STX11: variants seen among roughly 807,000 people sequenced by gnomAD.
STX11 encodes the protein syntaxin-11.
Under a neutral mutation model 19.9 loss-of-function variants are expected in STX11, and 21 were observed. That is an observed-to-expected ratio of 1.06 (90% CI 0.75 to 1.52). The LOEUF (loss-of-function observed/expected upper bound fraction) is 1.52, where lower values mean the gene tolerates loss of function less well. STX11 is among the 40% of genes most tolerant of loss of function. The pLI, the probability that STX11 is intolerant of heterozygous loss-of-function variation, is 0.00. For missense variants in STX11, 438 were observed against 405.9 expected (o/e 1.08, Z -0.68); for synonymous variants, 193 against 174.4 (o/e 1.11, Z -0.84).
chr6:144,168,741 C>A (rs1242390249), intron 1 of STX11, among the ~76,000 whole-genome samples: 1 of 152,222 alleles, frequency 6.6e-6, no homozygotes, highest in Non-Finnish European at 1.5e-5. Flanking sequence ...TGGCATCCCT[C>A]ATGCTAAACT....
rs903797534 is a variant in STX11, at chr6:144,155,502, G to C, written c.-6+4799G>C. Among the ~76,000 whole-genome samples the C allele has an allele frequency of 3.9e-5, 6 of 152,160 alleles. No individual in the cohort carries two copies. Among genetic ancestry groups the C allele is most frequent in the Non-Finnish European group, 8.8e-5 (6 of 68,020 alleles). On this transcript the variant is annotated intron_variant, in intron 1 of 1. Coordinates refer to ENST00000367568, the MANE Select transcript of STX11 (RefSeq NM_003764.4). This position sits in a 1 kb window ranked among gnomAD's most constrained non-coding sequence, Gnocchi z 4.5. ...ATGAGAGTGACATGAAGCCTCGCAG[G>C]GTAATAGAGCCCACATGTCTACCCC...
rs1344775713 is a variant in STX11 at position 144,151,618 on chromosome 6, A to G, written c.-6+915A>G. On this transcript the variant is annotated intron_variant, in intron 1 of 1. Coordinates refer to ENST00000367568, the MANE Select transcript of STX11 (RefSeq NM_003764.4). The surrounding 1 kb of genome is among the most constrained non-coding windows in gnomAD (Gnocchi z 4.6). The stretch of plus-strand genomic sequence containing the variant: ...CCAGTAAAGGTCACTGGGCTGATCT[A>G]AGATAACCATTGAAATCATGTGCTT... Among the ~76,000 whole-genome samples the G allele has an allele frequency of 6.6e-6, 1 of 152,234 alleles. No homozygotes were observed.
intron 1 of STX11, among the ~76,000 whole-genome samples, chr6:144,157,226 A>G (rs1218312227): frequency 1.3e-5 from 2 of 152,248 alleles, no homozygotes; most frequent in Admixed American, 1.3e-4. Context: ...GGGCATGCAC[A>G]ACAGCGGCCT....
the STX11 span, among the ~76,000 whole-genome samples, chr6:144,145,348 A>T: frequency 1.3e-5 from 2 of 152,350 alleles, no homozygotes; most frequent in South Asian, 4.1e-4. Context: ...TACTTAGAGC[A>T]GTCAAATTCA....
Position 144,183,540 on chromosome 6 carries a change from A to G in STX11, c.-5-3083A>G, listed in dbSNP as rs1570323. On this transcript the variant is annotated intron_variant, in intron 1 of 1. Coordinates refer to ENST00000367568, the MANE Select transcript of STX11 (RefSeq NM_003764.4). The surrounding 1 kb of genome is among the most constrained non-coding windows in gnomAD (Gnocchi z 4.6). ...TCCAGAAAGATTCTATCAATTACCA[A>G]TTTTTTAAAATAATGAATAGACTTT... is the stretch of plus-strand genomic sequence containing the variant. Among the ~76,000 whole-genome samples, 152 of 152,312 alleles carry G rather than the reference A, an allele frequency of 1.0e-3. 1 individual carries two copies. In the South Asian group the frequency reaches 0.014, roughly 14 times the overall value.
In STX11 at chr6:144,162,489, G is replaced by T. The variant is rs1562658747; in HGVS notation, c.-6+11786G>T. Among the ~76,000 whole-genome samples, 1 of 152,172 alleles carries T rather than the reference G, an allele frequency of 6.6e-6. No individual in the cohort carries two copies. The highest frequency in any genetic ancestry group is 1.5e-5 in the Non-Finnish European group (1 of 68,034). ...AGGGAGCAAAAGTAATGTTCAATTT[G>T]CTATTTTATCCAGAATGTGGAAGGC... On this transcript the variant is annotated intron_variant, in intron 1 of 1. Coordinates refer to ENST00000367568, the MANE Select transcript of STX11 (RefSeq NM_003764.4). This position sits in a 1 kb window ranked among gnomAD's most constrained non-coding sequence, Gnocchi z 4.6.
rs1300928668 is a variant in STX11, at chr6:144,159,792, G to T, written c.-6+9089G>T. Among the ~76,000 whole-genome samples the T allele has an allele frequency of 1.3e-5, 2 of 152,128 alleles. No homozygotes were observed. The highest frequency in any genetic ancestry group is 3.8e-4 in the East Asian group (2 of 5,204). ...GATCTGATTACTACGGCCTAGGAGGGTGCTTGACAGATTTGCTTTTGGGTC... is the reference window on the plus strand; with the variant it reads ...GATCTGATTACTACGGCCTAGGAGGTTGCTTGACAGATTTGCTTTTGGGTC... On this transcript the variant is annotated intron_variant, in intron 1 of 1. Coordinates refer to ENST00000367568, the MANE Select transcript of STX11 (RefSeq NM_003764.4). The surrounding 1 kb of genome is among the most constrained non-coding windows in gnomAD (Gnocchi z 4.3).
At position 144,169,275 on chromosome 6, in the gene STX11, C is replaced by T. The variant is rs1209445207; in HGVS notation, c.-5-17348C>T. On this transcript the variant is annotated intron_variant, in intron 1 of 1. Coordinates refer to ENST00000367568, the MANE Select transcript of STX11 (RefSeq NM_003764.4). The surrounding 1 kb of genome is among the most constrained non-coding windows in gnomAD (Gnocchi z 5.2). Reference sequence around the variant, plus strand: ...TCTTTCCGGGGCAATAACACCAAAACGGTGATGTTTTATCAGCATTGCAAA... The same window carrying T: ...TCTTTCCGGGGCAATAACACCAAAATGGTGATGTTTTATCAGCATTGCAAA... Among the ~76,000 whole-genome samples the T allele has an allele frequency of 6.6e-6, 1 of 152,198 alleles. No individual in the cohort carries two copies. The highest frequency in any genetic ancestry group is 2.4e-5 in the African/African-American group (1 of 41,446).
At chr6:144,186,323 T>TAA (rs1297368100) in intron 1 of STX11, among the ~76,000 whole-genome samples, 14 of 103,882 alleles carry the variant, frequency 1.3e-4, no homozygotes, top group African/African-American at 8.1e-4. Context: ...TAATAAAATA[T>TAA]ATATAAATAA....
intron 1 of STX11, among the ~76,000 whole-genome samples, chr6:144,178,804 G>A (rs1003412353): frequency 3.3e-5 from 5 of 150,500 alleles, no homozygotes; most frequent in African/African-American, 1.2e-4. Flanking sequence ...TATTAAATGC[G>A]TTCTTGCCCA....
rs918230204 is a variant in STX11, at chr6:144,153,115, A to G, written c.-6+2412A>G. On this transcript the variant is annotated intron_variant, in intron 1 of 1. Coordinates refer to ENST00000367568, the MANE Select transcript of STX11 (RefSeq NM_003764.4). This position sits in a 1 kb window ranked among gnomAD's most constrained non-coding sequence, Gnocchi z 5.0. The stretch of plus-strand genomic sequence containing the variant: ...ATGCTTTTGAACTGGATGCCCAAGT[A>G]TCAAGGTTTCCAAGTTTCCCCAGTT... 6.6e-6 allele frequency among the ~76,000 whole-genome samples: 1 copy of G among 152,224 alleles called. No homozygotes were observed. Among genetic ancestry groups the G allele is most frequent in the Non-Finnish European group, 1.5e-5 (1 of 68,034 alleles).
At chr6:144,144,612 C>T in the STX11 span, among the ~76,000 whole-genome samples, 1 of 152,090 alleles carries the variant, frequency 6.6e-6, no homozygotes, top group South Asian at 2.1e-4. Flanking sequence ...CACTAGTTAT[C>T]GTGGCTGTTA....
intron 1 of STX11, among the ~76,000 whole-genome samples, chr6:144,171,156 A>G (rs1255742659): frequency 6.6e-6 from 1 of 152,228 alleles, no homozygotes; most frequent in African/African-American, 2.4e-5. Flanking sequence ...ATATGTCTCC[A>G]CATAATTCCC....
At chr6:144,144,357 G>A in the STX11 span, among the ~76,000 whole-genome samples, 1 of 152,186 alleles carries the variant, frequency 6.6e-6, no homozygotes, top group African/African-American at 2.4e-5. Flanking sequence ...AGTTCACAGA[G>A]CAGCCATTGA....
chr6:144,161,113 T>A (rs1801324936), intron 1 of STX11, among the ~76,000 whole-genome samples: 1 of 152,244 alleles, frequency 6.6e-6, no homozygotes, highest in Non-Finnish European at 1.5e-5. Flanking sequence ...TTAGCCACGG[T>A]AAATCCAGTT....
In STX11 at chr6:144,165,177, G is replaced by A. The variant is rs566520292; in HGVS notation, c.-6+14474G>A. On this transcript the variant is annotated intron_variant, in intron 1 of 1. Coordinates refer to ENST00000367568, the MANE Select transcript of STX11 (RefSeq NM_003764.4). This position sits in a 1 kb window ranked among gnomAD's most constrained non-coding sequence, Gnocchi z 5.8. Reference sequence around the variant, plus strand: ...ACTTTGAAGAAAAATTTTCTTGGCCGGGCGCGGTGGCTCACGCCTGTAATC... The same window carrying A: ...ACTTTGAAGAAAAATTTTCTTGGCCAGGCGCGGTGGCTCACGCCTGTAATC... 4.6e-5 allele frequency among the ~76,000 whole-genome samples: 7 copies of A among 151,932 alleles called. No individual in the cohort carries two copies. Among genetic ancestry groups the A allele is most frequent in the Non-Finnish European group, 1.0e-4 (7 of 67,984 alleles).
Position 144,165,534 on chromosome 6 carries a change from G to T in STX11, c.-6+14831G>T, listed in dbSNP as rs1317365971. ...GTTTTCTTAGCTCCTTTTATATAGTGAGTACAAAGCACCTAACTCTTGTCT... is the reference window on the plus strand; with the variant it reads ...GTTTTCTTAGCTCCTTTTATATAGTTAGTACAAAGCACCTAACTCTTGTCT... On this transcript the variant is annotated intron_variant, in intron 1 of 1. Coordinates refer to ENST00000367568, the MANE Select transcript of STX11 (RefSeq NM_003764.4). The surrounding 1 kb of genome is among the most constrained non-coding windows in gnomAD (Gnocchi z 5.8). Among the ~76,000 whole-genome samples the T allele has an allele frequency of 6.6e-6, 1 of 152,072 alleles. No individual in the cohort carries two copies. The highest frequency in any genetic ancestry group is 1.5e-5 in the Non-Finnish European group (1 of 68,004).
At chr6:144,144,758 G>A in the STX11 span, among the ~76,000 whole-genome samples, 1 of 152,184 alleles carries the variant, frequency 6.6e-6, no homozygotes, top group Non-Finnish European at 1.5e-5. Context: ...TGTACTGGCT[G>A]AGACTTGCTG....
chr6:144,143,082 C>T, the STX11 span, among the ~76,000 whole-genome samples: 10 of 152,072 alleles, frequency 6.6e-5, no homozygotes, highest in Non-Finnish European at 1.5e-4. Flanking sequence ...TATATGTTTC[C>T]ATCAATTTAT....
Sources: allele counts gnomAD v4.1 joint callset (sites outside exome capture counted in the v4.1 genomes callset), GRCh38; gene constraint gnomAD v4.1.1; non-coding constraint Gnocchi (gnomAD v3.1); transcripts MANE v1.5; gene names NCBI Gene and HGNC (gene_info 2026-07-23, HGNC 2026-07-21).